The following TJP1 variants were observed in gnomAD, a reference collection of about 807,000 sequenced individuals.
The protein encoded by TJP1 is tight junction protein ZO-1.
TJP1 carries 43 observed loss-of-function variants against 194.2 expected under a neutral mutation model. That is an observed-to-expected ratio of 0.22 (90% CI 0.17 to 0.29). TJP1 has a LOEUF of 0.29. Ranked by LOEUF, TJP1 falls within the 10% of genes least tolerant of loss-of-function variation. TJP1 has a pLI of 1.00. For missense variants in TJP1, 1,971 were observed against 2,185.7 expected (o/e 0.90, Z 1.96); for synonymous variants, 801 against 779.0 (o/e 1.03, Z -0.47).
chr15:29,838,380 G>A (rs1451668470), intron 2 of TJP1, among the ~76,000 whole-genome samples: 1 of 152,158 alleles, frequency 6.6e-6, no homozygotes, highest in Non-Finnish European at 1.5e-5. Flanking sequence ...AGCTGAGATT[G>A]CACCACCGCA....
intron 1 of TJP1, among the ~76,000 whole-genome samples, chr15:29,802,609 T>TA (rs892132807): frequency 1.7e-4 from 24 of 143,552 alleles, no homozygotes; most frequent in African/African-American, 3.1e-4. Context: ...GATAATGCAC[T>TA]AAAAAAAAAA....
At chr15:29,843,186 C>T (rs1366112106) in intron 2 of TJP1, among the ~76,000 whole-genome samples, 3 of 69,418 alleles carry the variant, frequency 4.3e-5, no homozygotes, top group African/African-American at 1.0e-4. Flanking sequence ...TTTTTCTTTT[C>T]TTTTTTTTTT....
At chr15:29,872,271 A>T (rs939980) in intron 2 of TJP1, among the ~76,000 whole-genome samples, 1 of 152,150 alleles carries the variant, frequency 6.6e-6, no homozygotes, top group Non-Finnish European at 1.5e-5. Context: ...ACTGTGCTAG[A>T]TTATGTGGCA....
In TJP1 at chr15:29,719,981, C is replaced by T. The variant is rs369526482; in HGVS notation, c.2799G>A (p.Ser933=). ...AEASSPVPYL[S]PETNPASSTS... ...TTGATGATGCTGGGTTTGTTTCAGG[C>T]GAAAGGTAAGGGACTGGAGATGAAG... The change falls in exon 20 of 28, where the codon TCG becomes TCA. Residue 933 remains serine, a synonymous_variant. Coordinates refer to ENST00000614355, the MANE Select transcript of TJP1 (RefSeq NM_001330239.4). 54 of 1,613,714 alleles carry T rather than the reference C, an allele frequency of 3.3e-5. No individual in the cohort carries two copies. The highest frequency in any genetic ancestry group is 7.7e-5 in the South Asian group (7 of 91,008).
chr15:29,732,447 A>C lies in TJP1; in HGVS notation c.2003T>G (p.Ile668Ser), dbSNP rs1176663768. Residue 668 changes from isoleucine (I) to serine (S), a missense_variant, in exon 15 of 28, where the codon ATT becomes AGT. By Grantham distance (142) the Ile-to-Ser change is moderately radical. This residue lies in a region of TJP1 where 402 missense variants were observed against 484.2 expected (regional missense o/e 0.83). Transcript: ENST00000614355. ...REKLAREEPD[I>S]YQIAKSEPRD... Reference sequence around the variant, plus strand: ...AGGCTACTTACTTGCAATTTGATAAATATCTGGTTCTTCTCTTGCCAGCTT... The same window carrying C: ...AGGCTACTTACTTGCAATTTGATAACTATCTGGTTCTTCTCTTGCCAGCTT... The C allele has an allele frequency of 2.5e-6, 4 of 1,613,416 alleles. No individual in the cohort carries two copies. The highest frequency in any genetic ancestry group is 3.4e-6 in the Non-Finnish European group (4 of 1,180,018).
At chr15:29,743,288 A>C (rs1454250297) in intron 8 of TJP1, among the ~76,000 whole-genome samples, 3 of 152,228 alleles carry the variant, frequency 2.0e-5, no homozygotes, top group African/African-American at 7.2e-5. Flanking sequence ...AATAATTGGG[A>C]AACATATATA....
At chr15:29,753,092 A>C (rs1236055378) in intron 8 of TJP1, among the ~76,000 whole-genome samples, 1 of 152,168 alleles carries the variant, frequency 6.6e-6, no homozygotes, top group Non-Finnish European at 1.5e-5. Context: ...ATAGCATTTA[A>C]CCACTAACGA....
intron 10 of TJP1, among the ~76,000 whole-genome samples, chr15:29,738,414 A>C (rs1044513408): frequency 2.0e-5 from 3 of 152,222 alleles, no homozygotes; most frequent in Admixed American, 1.3e-4. Flanking sequence ...GGAAGGAGAG[A>C]TTTCTAGTCT....
At chr15:29,724,676 C>T (rs775623303) in intron 18 of TJP1, among the ~76,000 whole-genome samples, 30 of 152,192 alleles carry the variant, frequency 2.0e-4, no homozygotes, top group Middle Eastern at 6.8e-3. Context: ...TCAGGAAAGT[C>T]AATGTGAAAT....
At chr15:29,704,032 G>T in intron 27 of TJP1, 130 bp downstream of exon 27, 1 of 883,102 alleles carries the variant, frequency 1.1e-6, no homozygotes, top group Non-Finnish European at 1.7e-6. Flanking sequence ...GAAAACACTG[G>T]TGATGCCTAC....
At chr15:29,855,194 T>C (rs1185337510) in intron 2 of TJP1, among the ~76,000 whole-genome samples, 2 of 152,200 alleles carry the variant, frequency 1.3e-5, no homozygotes, top group Middle Eastern at 3.2e-3. Context: ...ACAGCTTTTA[T>C]TAATCATTGT....
At chr15:29,961,637 C>G (rs2056167843) in intron 1 of TJP1, among the ~76,000 whole-genome samples, 1 of 152,170 alleles carries the variant, frequency 6.6e-6, no homozygotes, top group Admixed American at 6.5e-5. Flanking sequence ...GGCCCACCCT[C>G]TCGTTCCACT....
At chr15:29,847,014 T>C (rs909608012) in intron 2 of TJP1, among the ~76,000 whole-genome samples, 2 of 152,186 alleles carry the variant, frequency 1.3e-5, no homozygotes, top group African/African-American at 4.8e-5. Flanking sequence ...TCAAGTAATG[T>C]TTGGAAGAAA....
intron 1 of TJP1, among the ~76,000 whole-genome samples, chr15:29,820,158 CCTT>C (rs1015738926): frequency 6.2e-5 from 9 of 145,862 alleles, no homozygotes; most frequent in African/African-American, 2.0e-4. Context: ...ATTAATGTTG[CCTT>C]TTTTTTTTTT....
chr15:29,705,763 G>A lies in TJP1; in HGVS notation c.4851-18C>T. The stretch of plus-strand genomic sequence containing the variant: ...CTGAAGGACTGAAAGTTCAGAAATG[G>A]CTAGTGAGTGAATTCCTAATAATAC... On this transcript the variant is annotated intron_variant, in intron 25 of 27. Transcript: ENST00000614355. The A allele has an allele frequency of 6.2e-7, 1 of 1,609,734 alleles. No homozygotes were observed. Among genetic ancestry groups the A allele is most frequent in the Non-Finnish European group, 8.5e-7 (1 of 1,176,166 alleles).
At chr15:29,749,934 C>T (rs1455956948) in intron 8 of TJP1, among the ~76,000 whole-genome samples, 1 of 152,132 alleles carries the variant, frequency 6.6e-6, no homozygotes, top group Non-Finnish European at 1.5e-5. Flanking sequence ...CCTCCGCCTC[C>T]TGGGTTCAAG....
At chr15:29,702,059 A>C (rs2041580355) in intron 27 of TJP1, among the ~76,000 whole-genome samples, 1 of 151,356 alleles carries the variant, frequency 6.6e-6, no homozygotes, top group African/African-American at 2.4e-5. Context: ...GGACAGTCCC[A>C]GTTTGCCAGA....
chr15:29,932,568 G>T (rs575840613), intron 2 of TJP1, among the ~76,000 whole-genome samples: 1 of 151,800 alleles, frequency 6.6e-6, no homozygotes, highest in Non-Finnish European at 1.5e-5. Flanking sequence ...GAAAAAAAAG[G>T]GTTTTTTAAA....
intron 2 of TJP1, among the ~76,000 whole-genome samples, chr15:29,890,737 A>G (rs2152159506): frequency 6.6e-6 from 1 of 152,296 alleles, no homozygotes; most frequent in South Asian, 2.1e-4. Flanking sequence ...GTGAGACAGT[A>G]CATCTCTATC....
Sources: gnomAD v4.1 joint callset for allele counts (sites outside exome capture counted in the v4.1 genomes callset) on GRCh38, gnomAD v4.1.1 for gene constraint, gnomAD v4.1.1 regional missense constraint, MANE v1.5 for transcripts, NCBI Gene and HGNC (gene_info 2026-07-23, HGNC 2026-07-21) for gene names.